DCC: variants seen among roughly 807,000 people sequenced by gnomAD.
DCC encodes netrin receptor DCC.
Under a neutral mutation model 172.5 loss-of-function variants are expected in DCC, and 58 were observed. The observed-to-expected ratio is 0.34, with a 90% confidence interval of 0.27 to 0.42. The LOEUF (loss-of-function observed/expected upper bound fraction) is 0.42. Among genes scored for constraint, DCC ranks in the 10% least tolerant of loss-of-function variants. DCC has a pLI of 1.00. For synonymous variants in DCC, 709 were observed against 644.5 expected (o/e 1.10, Z -1.52); for missense variants, 1,740 against 1,791.0 (o/e 0.97, Z 0.51).
At chr18:52,508,696 A>T (rs1263693335) in intron 1 of DCC, among the ~76,000 whole-genome samples, 3 of 152,258 alleles carry the variant, frequency 2.0e-5, no homozygotes, top group Admixed American at 2.0e-4. Context: ...AAAGTTACTT[A>T]ATCCCAGAAT....
At chr18:52,417,191 A>G (rs1478938266) in intron 1 of DCC, among the ~76,000 whole-genome samples, 1 of 152,106 alleles carries the variant, frequency 6.6e-6, no homozygotes, top group Non-Finnish European at 1.5e-5. Flanking sequence ...AAGAATGTTG[A>G]ATATTGGCCC....
chr18:52,935,958 AATG>A (rs911983366), intron 5 of DCC, among the ~76,000 whole-genome samples: 3 of 152,098 alleles, frequency 2.0e-5, no homozygotes, highest in Admixed American at 1.3e-4. Flanking sequence ...ATATACATTT[AATG>A]ATAATAGTCA....
chr18:52,679,324 A>T (rs2035700677), intron 1 of DCC, among the ~76,000 whole-genome samples: 1 of 152,038 alleles, frequency 6.6e-6, no homozygotes, highest in Non-Finnish European at 1.5e-5. Flanking sequence ...AGGCCATTGA[A>T]ATCACATACA....
intron 5 of DCC, among the ~76,000 whole-genome samples, chr18:52,929,815 CAA>C (rs1328233124): frequency 1.2e-5 from 1 of 83,224 alleles, no homozygotes; most frequent in Non-Finnish European, 2.4e-5. Context: ...CTGGACTTTG[CAA>C]ACACACACAC....
chr18:52,808,365 C>A (rs771551524), intron 2 of DCC, among the ~76,000 whole-genome samples: 1 of 150,054 alleles, frequency 6.7e-6, no homozygotes, highest in Non-Finnish European at 1.5e-5. Context: ...CAGTAGACAG[C>A]CTGTAATTCT....
At chr18:53,093,725 T>A (rs1406027386) in intron 7 of DCC, among the ~76,000 whole-genome samples, 1 of 152,224 alleles carries the variant, frequency 6.6e-6, no homozygotes, top group Non-Finnish European at 1.5e-5. Flanking sequence ...ACAGGCTGAT[T>A]GGCATTCATG....
intron 2 of DCC, among the ~76,000 whole-genome samples, chr18:52,810,987 GACAAA>G (rs1249939838): frequency 1.3e-5 from 2 of 152,152 alleles, no homozygotes. Flanking sequence ...CAACTGGAAA[GACAAA>G]ACAGCAGCAG....
intron 5 of DCC, among the ~76,000 whole-genome samples, chr18:53,026,047 A>G (rs1381402919): frequency 2.0e-5 from 3 of 152,066 alleles, no homozygotes; most frequent in African/African-American, 7.2e-5. Context: ...ATGACTTTTC[A>G]GGGTGATTGG....
intron 12 of DCC, among the ~76,000 whole-genome samples, chr18:53,281,756 T>TG (rs1216602175): frequency 1.4e-5 from 2 of 147,700 alleles, no homozygotes; most frequent in East Asian, 2.0e-4. Context: ...ATGCTATTAA[T>TG]GGGGGATTTT....
intron 1 of DCC, among the ~76,000 whole-genome samples, chr18:52,459,629 G>A (rs1192741678): frequency 5.9e-5 from 9 of 151,840 alleles, no homozygotes; most frequent in Non-Finnish European, 7.4e-5. Context: ...CACCACGCCC[G>A]GCTAATTTTT....
chr18:53,111,438 GAA>G (rs2043330451), intron 7 of DCC, among the ~76,000 whole-genome samples: 1 of 145,664 alleles, frequency 6.9e-6, no homozygotes, highest in South Asian at 2.2e-4. Context: ...AAAAAAGAAA[GAA>G]AGATTAAAAA....
chr18:52,500,293 G>A (rs1308168173), intron 1 of DCC, among the ~76,000 whole-genome samples: 1 of 152,128 alleles, frequency 6.6e-6, no homozygotes, highest in Non-Finnish European at 1.5e-5. Context: ...GCGTGTAAAG[G>A]ATTCATGAAT....
intron 1 of DCC, among the ~76,000 whole-genome samples, chr18:52,528,079 T>C (rs2032037181): frequency 2.0e-5 from 3 of 152,208 alleles, no homozygotes; most frequent in Admixed American, 2.0e-4. Flanking sequence ...TGTTATGGAC[T>C]TTATGTCTGA....
At chr18:53,004,047 C>A (rs1477227284) in intron 5 of DCC, among the ~76,000 whole-genome samples, 1 of 152,116 alleles carries the variant, frequency 6.6e-6, no homozygotes, top group Non-Finnish European at 1.5e-5. Flanking sequence ...TGCCAGTTTT[C>A]TCATTAACGA....
At chr18:52,421,994 C>G (rs2144437133) in intron 1 of DCC, among the ~76,000 whole-genome samples, 1 of 152,288 alleles carries the variant, frequency 6.6e-6, no homozygotes, top group African/African-American at 2.4e-5. Flanking sequence ...GTATCTTCTT[C>G]TCATCATGTT....
chr18:52,994,686 A>G (rs1386798504), intron 5 of DCC, among the ~76,000 whole-genome samples: 2 of 152,164 alleles, frequency 1.3e-5, no homozygotes, highest in African/African-American at 2.4e-5. Flanking sequence ...ATTCTATTTA[A>G]TAACAAAGAT....
intron 27 of DCC, among the ~76,000 whole-genome samples, chr18:53,517,275 A>C (rs1466563156): frequency 2.7e-5 from 4 of 150,902 alleles, no homozygotes; most frequent in Non-Finnish European, 5.9e-5. Context: ...AGGAAGGGGA[A>C]CATCACACTC....
chr18:53,416,079 A>G (rs374395368), intron 20 of DCC, 45 bp from the exon 21 acceptor site: 3 of 1,482,794 alleles, frequency 2.0e-6, no homozygotes, highest in African/African-American at 2.8e-5. Context: ...CTTTCTTGCT[A>G]GGAACTGTCA....
chr18:52,940,931 C>T (rs558001681), intron 5 of DCC: 1 of 152,160 alleles, frequency 6.6e-6, no homozygotes, highest in South Asian at 2.1e-4. Context: ...CAAAGTTCTA[C>T]TGAGTACATT....
Sources: allele counts gnomAD v4.1 joint callset (sites outside exome capture counted in the v4.1 genomes callset), GRCh38; gene constraint gnomAD v4.1.1; transcripts MANE v1.5; gene names NCBI Gene and HGNC (gene_info 2026-07-23, HGNC 2026-07-21).